The following SRGAP2C variants were observed in gnomAD, a reference collection of about 807,000 sequenced individuals.
SRGAP2C encodes the protein SLIT-ROBO Rho GTPase activating protein 2C.
Under a neutral mutation model 25.1 loss-of-function variants are expected in SRGAP2C, and 15 were observed. That is an observed-to-expected ratio of 0.60 (90% CI 0.40 to 0.92). SRGAP2C has a LOEUF of 0.92. SRGAP2C is among the 40% of genes least tolerant of loss of function. The pLI, the probability that SRGAP2C is intolerant of heterozygous loss-of-function variation, is 0.00. For synonymous variants in SRGAP2C, 44 were observed against 96.6 expected, an observed-to-expected ratio of 0.46 and a Z score of 3.19; for missense variants, 144 against 264.4, an observed-to-expected ratio of 0.54 and a Z score of 3.16.
At chr1:121,234,831 G>T (rs587763267) in intron 2 of SRGAP2C, among the ~76,000 whole-genome samples, 7 of 149,146 alleles carry the variant, frequency 4.7e-5, no homozygotes, top group African/African-American at 1.3e-4. Context: ...TTGCTCTTTC[G>T]CTCTCTCTTG....
chr1:121,293,744 A>C (rs1657537905), intron 3 of SRGAP2C, among the ~76,000 whole-genome samples: 2 of 141,058 alleles, frequency 1.4e-5, no homozygotes, highest in African/African-American at 2.6e-5. Context: ...GGCACTCATC[A>C]CCTCCCCCGG....
chr1:121,230,744 A>G (rs1372299318), intron 2 of SRGAP2C, among the ~76,000 whole-genome samples: 2 of 151,650 alleles, frequency 1.3e-5, no homozygotes, highest in Non-Finnish European at 2.9e-5. Context: ...ACATATGTTT[A>G]TTGCAGCACT....
At chr1:121,339,384 C>T (rs1287160307) in intron 4 of SRGAP2C, among the ~76,000 whole-genome samples, 8 of 151,398 alleles carry the variant, frequency 5.3e-5, no homozygotes, top group South Asian at 2.1e-4. Flanking sequence ...CCCTAGTAGC[C>T]GGGATTACAG....
At chr1:121,314,332 C>T (rs1553340346) in intron 3 of SRGAP2C, among the ~76,000 whole-genome samples, 2 of 150,590 alleles carry the variant, frequency 1.3e-5, no homozygotes, top group Admixed American at 6.6e-5. Context: ...TTCTTCTAAA[C>T]TTTTTTCAAA....
chr1:121,323,449 C>T (rs1553341338), intron 3 of SRGAP2C, among the ~76,000 whole-genome samples: 72 of 149,766 alleles, frequency 4.8e-4, no homozygotes, highest in Non-Finnish European at 8.9e-4. Context: ...AAACCCATCT[C>T]TACTAAAAAT....
intron 4 of SRGAP2C, among the ~76,000 whole-genome samples, chr1:121,358,769 A>ATTTT (rs1161491118): frequency 2.5e-4 from 18 of 70,700 alleles, no homozygotes; most frequent in Admixed American, 4.2e-4. Context: ...TTGAAATCAG[A>ATTTT]TTTTTTTTTT....
intron 3 of SRGAP2C, among the ~76,000 whole-genome samples, chr1:121,323,979 G>A (rs1183298681): frequency 2.0e-5 from 3 of 152,132 alleles, no homozygotes; most frequent in African/African-American, 7.2e-5. Flanking sequence ...CTAAAATGAT[G>A]GACTTCAGAA....
chr1:121,366,213 T>C (rs1659317976), intron 5 of SRGAP2C, among the ~76,000 whole-genome samples: 1 of 148,648 alleles, frequency 6.7e-6, no homozygotes, highest in Non-Finnish European at 1.5e-5. Flanking sequence ...GGTTTCTCCA[T>C]CCTGTTTGAA....
intron 4 of SRGAP2C, among the ~76,000 whole-genome samples, chr1:121,335,829 T>A (rs1176482125): frequency 6.6e-6 from 1 of 151,486 alleles, no homozygotes; most frequent in Non-Finnish European, 1.5e-5. Context: ...CTTGACTTTT[T>A]TTTACATGCC....
At chr1:121,221,823 A>T (rs1405073085) in intron 2 of SRGAP2C, among the ~76,000 whole-genome samples, 2 of 148,406 alleles carry the variant, frequency 1.3e-5, no homozygotes, top group Non-Finnish European at 3.0e-5. Context: ...AGAATTTTGC[A>T]GTGCTTTTGA....
intron 2 of SRGAP2C, among the ~76,000 whole-genome samples, chr1:121,239,244 T>C (rs1174625970): frequency 1.3e-3 from 5 of 3,726 alleles, no homozygotes; most frequent in Admixed American, 5.9e-3. Context: ...TATATATATA[T>C]ACTATATATA....
At chr1:121,263,269 A>G (rs868964772) in intron 2 of SRGAP2C, among the ~76,000 whole-genome samples, 12 of 151,174 alleles carry the variant, frequency 7.9e-5, no homozygotes, top group South Asian at 2.1e-4. Context: ...GGTTGCAGCC[A>G]GCTGAGATCA....
intron 2 of SRGAP2C, among the ~76,000 whole-genome samples, chr1:121,207,369 A>G (rs1391633529): frequency 5.3e-5 from 8 of 151,252 alleles, no homozygotes; most frequent in Non-Finnish European, 1.0e-4. Flanking sequence ...GAGGCCCCTT[A>G]TGAGGGTCAG....
At chr1:121,357,206 G>A (rs1257950648) in intron 4 of SRGAP2C, among the ~76,000 whole-genome samples, 1 of 140,842 alleles carries the variant, frequency 7.1e-6, no homozygotes, top group East Asian at 2.1e-4. Flanking sequence ...TTCTGGAAAA[G>A]CCGTAAGGAA....
chr1:121,315,366 T>G (rs1277691470), intron 3 of SRGAP2C, among the ~76,000 whole-genome samples: 2 of 144,280 alleles, frequency 1.4e-5, no homozygotes, highest in Non-Finnish European at 3.0e-5. Flanking sequence ...CATTTGTGAC[T>G]TGCCCAAAGT....
chr1:121,329,628 C>T (rs1167410021), intron 4 of SRGAP2C, among the ~76,000 whole-genome samples: 1 of 141,034 alleles, frequency 7.1e-6, no homozygotes, highest in African/African-American at 2.7e-5. Context: ...TGGCTCACAG[C>T]TAATTTAGCT....
rs1165185674 is a variant in SRGAP2C at position 121,249,578 on chromosome 1, A to ATT, written c.68-35224_68-35223insTT. 6.1e-4 allele frequency among the ~76,000 whole-genome samples: 14 copies of ATT among 23,126 alleles called. 1 individual carries two copies. Among genetic ancestry groups the ATT allele is most frequent in the South Asian group, 2.2e-3 (1 of 452 alleles). The allele number at this position is 23,126 out of a possible 152,430, so 15.2% of individuals were successfully genotyped here. On this transcript the variant is annotated intron_variant, in intron 2 of 9. Transcript: ENST00000367123. Reference sequence around the variant, plus strand: ...TATATATATATATATATATATATATATATTTTTTTTTTTTTTTTTTAAATT... The same window carrying ATT: ...TATATATATATATATATATATATATATTTATTTTTTTTTTTTTTTTTTAAATT...
chr1:121,378,516 G>C (rs1318622706), intron 7 of SRGAP2C, among the ~76,000 whole-genome samples: 2 of 150,368 alleles, frequency 1.3e-5, no homozygotes, highest in African/African-American at 4.9e-5. Flanking sequence ...TGATGTTTTT[G>C]AATTTCATCC....
At chr1:121,372,860 CTG>C (rs1281154015) in intron 5 of SRGAP2C, among the ~76,000 whole-genome samples, 1 of 73,862 alleles carries the variant, frequency 1.4e-5, no homozygotes, top group South Asian at 3.3e-4. Context: ...CTTTGCACTC[CTG>C]TGTTACACAC....
Sources: allele counts gnomAD v4.1 joint callset (sites outside exome capture counted in the v4.1 genomes callset), GRCh38; gene constraint gnomAD v4.1.1; transcripts MANE v1.5; gene names NCBI Gene and HGNC (gene_info 2026-07-23, HGNC 2026-07-21).